Variants in ATAD2B observed in about 807,000 individuals in gnomAD.
The protein encoded by ATAD2B is ATPase family AAA domain-containing protein 2B.
In ATAD2B, 40 loss-of-function variants were observed where a neutral mutation model predicts 167.6. That is an observed-to-expected ratio of 0.24 (90% CI 0.19 to 0.31). The LOEUF is 0.31. Ranked by LOEUF, ATAD2B falls within the 10% of genes least tolerant of loss-of-function variation. ATAD2B has a pLI of 1.00. For missense variants in ATAD2B, 1,242 were observed against 1,757.2 expected (o/e 0.71, Z 5.24); for synonymous variants, 579 against 596.5 (o/e 0.97, Z 0.43).
At chr2:23,819,067 G>C (rs912613093) in intron 17 of ATAD2B, among the ~76,000 whole-genome samples, 1 of 152,118 alleles carries the variant, frequency 6.6e-6, no homozygotes, top group Admixed American at 6.5e-5. Flanking sequence ...AAGTATTCCA[G>C]ATCATGGCAA....
chr2:23,694,789 C>A, the ATAD2B span, among the ~76,000 whole-genome samples: 2 of 152,170 alleles, frequency 1.3e-5, no homozygotes, highest in Non-Finnish European at 2.9e-5. Context: ...TTTTGTATAC[C>A]CCATCCAGAT....
chr2:23,706,769 T>A, the ATAD2B span: 1 of 730,354 alleles, frequency 1.4e-6, no homozygotes, highest in Non-Finnish European at 2.1e-6. Flanking sequence ...CAAAACACAA[T>A]CAAGGAACTC....
intron 8 of ATAD2B, chr2:23,872,392 A>G (rs749649251): frequency 2.9e-6 from 2 of 691,710 alleles, no homozygotes; most frequent in African/African-American, 1.8e-5. Context: ...GTTCAGCTCC[A>G]TGACAGCCTC....
chr2:23,910,949 G>A (rs750472025), intron 1 of ATAD2B, among the ~76,000 whole-genome samples: 37 of 151,918 alleles, frequency 2.4e-4, no homozygotes, highest in African/African-American at 8.2e-4. Context: ...AACATAGGCC[G>A]GGTGCAGCAG....
chr2:23,705,179 A>T, the ATAD2B span, among the ~76,000 whole-genome samples: 4 of 152,204 alleles, frequency 2.6e-5, no homozygotes, highest in Admixed American at 1.3e-4. Flanking sequence ...GGATGCTCGC[A>T]CCTTCTCTGA....
At chr2:23,923,657 A>AC (rs1454602378) in intron 1 of ATAD2B, among the ~76,000 whole-genome samples, 1 of 152,134 alleles carries the variant, frequency 6.6e-6, no homozygotes, top group East Asian at 1.9e-4. Flanking sequence ...GTCAAAAAAA[A>AC]AAAAGGCTTT....
At chr2:23,878,025 A>AAAAAAAAAAAAAAAAAAAAAAAAAAAAAG (rs1558714074) in intron 7 of ATAD2B, among the ~76,000 whole-genome samples, 13 of 106,960 alleles carry the variant, frequency 1.2e-4, no homozygotes, top group South Asian at 3.0e-4. Context: ...AAAAAAAAAA[A>AAAAAAAAAAAAAAAAAAAAAAAAAAAAAG]AAAAAAAAAA....
downstream of ATAD2B, among the ~76,000 whole-genome samples, chr2:23,745,351 T>TGGAA (rs1295490953): frequency 2.9e-5 from 2 of 69,930 alleles, no homozygotes; most frequent in Non-Finnish European, 5.3e-5. Flanking sequence ...CAGAGAGGGA[T>TGGAA]GGAAGGAAGG....
In ATAD2B at chr2:23,904,172, G is replaced by T. The variant is rs146279394; in HGVS notation, c.217-8202C>A. 3.3e-3 allele frequency among the ~76,000 whole-genome samples: 497 copies of T among 152,100 alleles called. 4 individuals are homozygous for T. The highest frequency in any genetic ancestry group is 0.012 in the African/African-American group (484 of 41,492). On this transcript the variant is annotated intron_variant, in intron 1 of 27. Coordinates refer to ENST00000238789, the MANE Select transcript of ATAD2B (RefSeq NM_017552.4). The stretch of plus-strand genomic sequence containing the variant: ...ATAAAAGAAAATGATCATAGGTAAC[G>T]TACAGAGTATAAAAACAGAAGGGCA...
At chr2:23,766,048 G>A (rs1023132239) in intron 22 of ATAD2B, among the ~76,000 whole-genome samples, 2 of 151,976 alleles carry the variant, frequency 1.3e-5, no homozygotes, top group African/African-American at 2.4e-5. Flanking sequence ...AGTTGACATT[G>A]GTCAAAACTA....
chr2:23,899,261 T>C (rs1027376599), intron 1 of ATAD2B, among the ~76,000 whole-genome samples: 2 of 140,544 alleles, frequency 1.4e-5, no homozygotes, highest in African/African-American at 5.4e-5. Flanking sequence ...TGCAGTGAGC[T>C]GTGATCACGC....
rs183896459 is a variant in ATAD2B, at chr2:23,914,929, A to G, written c.216+11626T>C. Among the ~76,000 whole-genome samples the G allele has an allele frequency of 1.1e-3, 171 of 152,288 alleles. 1 individual carries two copies. Among genetic ancestry groups the G allele is most frequent in the African/African-American group, 4.0e-3 (167 of 41,570 alleles). On this transcript the variant is annotated intron_variant, in intron 1 of 27. Coordinates refer to ENST00000238789, the MANE Select transcript of ATAD2B (RefSeq NM_017552.4). Reference sequence around the variant, plus strand: ...TATAGAAGTAATACTTACTTTAAGTACACATATACTTTTCCACTCTTGGTG... The same window carrying G: ...TATAGAAGTAATACTTACTTTAAGTGCACATATACTTTTCCACTCTTGGTG...
In ATAD2B at chr2:23,790,929, A is replaced by C. The variant is rs530277483; in HGVS notation, c.2641-2282T>G. Among the ~76,000 whole-genome samples, 3 of 152,246 alleles carry C rather than the reference A, an allele frequency of 2.0e-5. No individual in the cohort carries two copies. In the South Asian group the frequency reaches 6.2e-4, roughly 32 times the overall value. ...ATTTTAGAACATTTCCATTACCCCA[A>C]AAAGTTTCCTCAGGCCTATCTGCAG... On this transcript the variant is annotated intron_variant, in intron 19 of 27. Transcript: ENST00000238789.
chr2:23,707,434 G>A, the ATAD2B span: 1 of 152,190 alleles, frequency 6.6e-6, no homozygotes, highest in Admixed American at 6.5e-5. Flanking sequence ...GCCACAAGAG[G>A]GATAATGTTG....
At chr2:23,678,661 A>C in the ATAD2B span, among the ~76,000 whole-genome samples, 1 of 152,196 alleles carries the variant, frequency 6.6e-6, no homozygotes, top group South Asian at 2.1e-4. Context: ...GCAGCAACCC[A>C]AGCGTCCATC....
At chr2:23,733,422 T>C in the ATAD2B span, among the ~76,000 whole-genome samples, 1 of 152,250 alleles carries the variant, frequency 6.6e-6, no homozygotes, top group Non-Finnish European at 1.5e-5. Flanking sequence ...ACCTGCTGCT[T>C]AAACTTTGCT....
chr2:23,813,101 G>A (rs1201459261), intron 17 of ATAD2B, among the ~76,000 whole-genome samples: 2 of 151,968 alleles, frequency 1.3e-5, no homozygotes. Context: ...ATGTTAAGAT[G>A]TGTCCTACTT....
the ATAD2B span, among the ~76,000 whole-genome samples, chr2:23,743,342 G>A: frequency 6.6e-6 from 1 of 152,092 alleles, no homozygotes; most frequent in African/African-American, 2.4e-5. Flanking sequence ...CGAGGCAGGT[G>A]GATCATTTGA....
chr2:23,808,093 TTA>T (rs1197327308), intron 18 of ATAD2B, among the ~76,000 whole-genome samples: 4 of 133,688 alleles, frequency 3.0e-5, no homozygotes, highest in Non-Finnish European at 3.1e-5. Context: ...ATATATATAA[TTA>T]TATATATAAG....
Sources: allele counts gnomAD v4.1 joint callset (sites outside exome capture counted in the v4.1 genomes callset), GRCh38; gene constraint gnomAD v4.1.1; transcripts MANE v1.5; gene names NCBI Gene and HGNC (gene_info 2026-07-23, HGNC 2026-07-21).